Variants in LRRC37A observed in about 807,000 individuals in gnomAD.
LRRC37A encodes leucine rich repeat containing 37A.
LRRC37A carries 3 observed loss-of-function variants against 35.4 expected under a neutral mutation model. The ratio of observed to expected loss-of-function variants is 0.08; its 90% CI spans 0.04 to 0.22. LRRC37A has a LOEUF of 0.22. Ranked by LOEUF, LRRC37A falls within the 10% of genes least tolerant of loss-of-function variation. The probability of loss-of-function intolerance (pLI) is 1.00; values close to 1 mark genes in which losing one functional copy is unlikely to be tolerated. For synonymous variants in LRRC37A, 23 were observed against 215.0 expected, an observed-to-expected ratio of 0.11 and a Z score of 7.81; for missense variants, 67 against 565.3, an observed-to-expected ratio of 0.12 and a Z score of 8.94.
At chr17:46,287,144 T>C in the LRRC37A span, among the ~76,000 whole-genome samples, 1 of 152,264 alleles carries the variant, frequency 6.6e-6, no homozygotes, top group East Asian at 1.9e-4. Flanking sequence ...TGATGCTCTA[T>C]CACATGTGCA....
chr17:46,249,772 T>A, the LRRC37A span, among the ~76,000 whole-genome samples: 1 of 152,322 alleles, frequency 6.6e-6, no homozygotes, highest in East Asian at 1.9e-4. Context: ...ACAGGAACTG[T>A]CAGAGCCAGA....
At chr17:46,256,010 C>T in the LRRC37A span, among the ~76,000 whole-genome samples, 962 of 152,250 alleles carry the variant, frequency 6.3e-3, 11 homozygotes, top group African/African-American at 0.019. Context: ...GCCCTCACCT[C>T]CATGTGATGG....
the LRRC37A span, among the ~76,000 whole-genome samples, chr17:46,272,014 C>G: frequency 0.12 from 18,480 of 152,248 alleles, no homozygotes; most frequent in Non-Finnish European, 0.18. Context: ...CCCGCTTCAG[C>G]CTCCCAGAGT....
At chr17:46,334,962 T>C (rs2052236039) in intron 10 of LRRC37A, 1 of 85,206 alleles carries the variant, frequency 1.2e-5, no homozygotes, top group African/African-American at 3.3e-5. Context: ...GGGCCAGGCA[T>C]GGTGGCTCAC....
At chr17:46,251,022 C>T in the LRRC37A span, among the ~76,000 whole-genome samples, 1 of 152,150 alleles carries the variant, frequency 6.6e-6, no homozygotes, top group Non-Finnish European at 1.5e-5. Flanking sequence ...TCCTGAGAGC[C>T]CAGGAGTTTG....
chr17:46,259,181 T>C, the LRRC37A span, among the ~76,000 whole-genome samples: 7 of 149,814 alleles, frequency 4.7e-5, no homozygotes, highest in African/African-American at 1.5e-4. Flanking sequence ...TCAGCTGCCC[T>C]TCCCCACAAA....
At chr17:46,278,841 A>C in the LRRC37A span, among the ~76,000 whole-genome samples, 1 of 152,114 alleles carries the variant, frequency 6.6e-6, no homozygotes, top group Non-Finnish European at 1.5e-5. Flanking sequence ...CTTGTGGCCC[A>C]GGCTGGAGTG....
At chr17:46,255,979 C>G in the LRRC37A span, among the ~76,000 whole-genome samples, 5 of 152,136 alleles carry the variant, frequency 3.3e-5, no homozygotes, top group African/African-American at 1.2e-4. Flanking sequence ...CCGGCCTCGG[C>G]CCCCAAATTC....
chr17:46,314,920 T>C (rs2050991485), intron 5 of LRRC37A, among the ~76,000 whole-genome samples: 1 of 77,560 alleles, frequency 1.3e-5, no homozygotes, highest in East Asian at 2.5e-4. Flanking sequence ...TGGTGTTAAT[T>C]CTTCTTTAAG....
chr17:46,259,732 A>G, the LRRC37A span: 1 of 1,574,002 alleles, frequency 6.4e-7, no homozygotes, highest in African/African-American at 1.4e-5. Context: ...CCCAGGAATC[A>G]CCACCTGGTA....
At chr17:46,282,576 G>A in the LRRC37A span, among the ~76,000 whole-genome samples, 3 of 151,422 alleles carry the variant, frequency 2.0e-5, no homozygotes, top group African/African-American at 4.9e-5. Context: ...CACCAAGCCT[G>A]GTTAATTTTT....
chr17:46,311,901 A>C (rs1247108114), intron 5 of LRRC37A, among the ~76,000 whole-genome samples: 2 of 59,490 alleles, frequency 3.4e-5, no homozygotes, highest in African/African-American at 8.2e-5. Flanking sequence ...CTTGAACCAG[A>C]AATGGAAATG....
chr17:46,268,397 C>A, the LRRC37A span: 1 of 891,892 alleles, frequency 1.1e-6, no homozygotes, highest in Non-Finnish European at 1.5e-6. Flanking sequence ...TCAACTTGTG[C>A]AGCAAGATAG....
the LRRC37A span, among the ~76,000 whole-genome samples, chr17:46,261,930 A>G: frequency 1.3e-5 from 2 of 152,016 alleles, no homozygotes; most frequent in African/African-American, 4.8e-5. Flanking sequence ...AATGTTGACA[A>G]AGAATCCTAA....
upstream of LRRC37A, among the ~76,000 whole-genome samples, chr17:46,289,460 T>C (rs201716319): frequency 1.3e-5 from 2 of 151,986 alleles, no homozygotes; most frequent in Admixed American, 6.6e-5. Flanking sequence ...TATGAGCCAC[T>C]TGTACCCAGC....
the LRRC37A span, among the ~76,000 whole-genome samples, chr17:46,273,553 A>C: frequency 0.14 from 21,715 of 151,980 alleles, 1,888 homozygotes; most frequent in Non-Finnish European, 0.22. Context: ...CGTTGAAAGG[A>C]AGGAAACTTT....
chr17:46,288,614 A>T (rs2732608), upstream of LRRC37A, among the ~76,000 whole-genome samples: 21,813 of 118,834 alleles, frequency 0.18, 2,015 homozygotes, highest in Middle Eastern at 0.29. Flanking sequence ...CATATTTTTT[A>T]AAAAAAGTTT....
chr17:46,253,189 G>A, the LRRC37A span, among the ~76,000 whole-genome samples: 4 of 148,076 alleles, frequency 2.7e-5, no homozygotes, highest in Admixed American at 1.4e-4. Context: ...CATCCCAGAC[G>A]GGGCGGCGGG....
At chr17:46,257,474 G>A in the LRRC37A span, among the ~76,000 whole-genome samples, 12 of 133,122 alleles carry the variant, frequency 9.0e-5, no homozygotes, top group East Asian at 4.3e-4. Flanking sequence ...AAAAAAAAAA[G>A]TAACACTTTG....
Sources: allele counts gnomAD v4.1 joint callset (sites outside exome capture counted in the v4.1 genomes callset), GRCh38; gene constraint gnomAD v4.1.1; transcripts MANE v1.5; gene names NCBI Gene and HGNC (gene_info 2026-07-23, HGNC 2026-07-21).